ACIN1: variants seen among roughly 807,000 people sequenced by gnomAD.
ACIN1 encodes the protein apoptotic chromatin condensation inducer 1, also known as apoptotic chromatin condensation inducer in the nucleus.
ACIN1 carries 16 observed loss-of-function variants against 146.6 expected under a neutral mutation model. The ratio of observed to expected loss-of-function variants is 0.11; its 90% CI spans 0.07 to 0.17. The LOEUF is 0.17. Ranked by LOEUF, ACIN1 falls within the 10% of genes least tolerant of loss-of-function variation. The pLI is 1.00. For missense variants in ACIN1, 1,357 were observed against 1,609.3 expected, an observed-to-expected ratio of 0.84 and a Z score of 2.68; for synonymous variants, 569 against 582.7, an observed-to-expected ratio of 0.98 and a Z score of 0.34.
Position 23,080,089 on chromosome 14 carries a change from C to A in ACIN1, c.1246G>T (p.Val416Leu). The change falls in exon 6 of 19, where the codon GTA (valine) becomes TTA (leucine). Residue 416 changes from valine (V) to leucine (L), a missense_variant. By Grantham distance (32) the Val-to-Leu change is conservative. Transcript: ENST00000605057. ...CTTGACAAAGGAGACAGGCCTCCTA[C>A]CAACTGGACAGTATGCTGAGATACT... Reference protein sequence around the residue: ...LLVSQHTVQLVGGLSPLSSPS... With the variant: ...LLVSQHTVQLLGGLSPLSSPS... 2 of 1,614,148 alleles carry A rather than the reference C, an allele frequency of 1.2e-6. No individual in the cohort carries two copies. Among genetic ancestry groups the A allele is most frequent in the Non-Finnish European group, 1.7e-6 (2 of 1,180,020 alleles).
rs764958466 is a variant in ACIN1, at chr14:23,078,800, G to A, written c.2007+20C>T. 7.5e-6 allele frequency: 12 copies of A among 1,608,066 alleles called. No individual in the cohort carries two copies. The highest frequency in any genetic ancestry group is 1.0e-5 in the Non-Finnish European group (12 of 1,176,726). On this transcript the variant is annotated intron_variant, in intron 7 of 18. Transcript: ENST00000605057. ...GCTTAATCCTCCATCTCTGTGTAGG[G>A]AGGGGTCACAATAGCCTACCCGCTC...
chr14:23,072,130 A>T (rs576925440), intron 8 of ACIN1, among the ~76,000 whole-genome samples: 2 of 152,250 alleles, frequency 1.3e-5, no homozygotes, highest in African/African-American at 4.8e-5. Flanking sequence ...TCACCCCGGC[A>T]ATGACCACGT....
rs3841035 is a variant in ACIN1 at position 23,080,669 on chromosome 14, TTCCTCC to T, written c.660_665del (p.Glu222_Glu223del). 160 of 1,613,540 alleles carry T rather than the reference TTCCTCC, an allele frequency of 9.9e-5. 1 individual carries two copies. The highest frequency in any genetic ancestry group is 4.9e-4 in the East Asian group (22 of 44,850). Reference sequence around the variant, plus strand: ...CACCTTCCTCTTCTTCATCATCTTCTTCCTCCTCCTCCTCCTCCTCTTCTTCCTCCT... The same window carrying T: ...CACCTTCCTCTTCTTCATCATCTTCTTCCTCCTCCTCCTCTTCTTCCTCCT... On this transcript the variant is annotated inframe_deletion, in exon 6 of 19. Coordinates refer to ENST00000605057, the MANE Select transcript of ACIN1 (RefSeq NM_001386863.1).
intron 2 of ACIN1, among the ~76,000 whole-genome samples, chr14:23,090,927 CAG>C (rs1429663142): frequency 9.2e-5 from 14 of 152,170 alleles, no homozygotes; most frequent in Admixed American, 5.9e-4. Context: ...TTTTTTGAGA[CAG>C]AGTTTCACTC....
intron 4 of ACIN1, among the ~76,000 whole-genome samples, chr14:23,084,273 T>G (rs1476391832): frequency 2.0e-5 from 3 of 152,078 alleles, no homozygotes; most frequent in Non-Finnish European, 4.4e-5. Context: ...CCTTACAATC[T>G]AAAATGAACT....
At chr14:23,076,660 C>T (rs550984007) in intron 8 of ACIN1, 3 of 152,332 alleles carry the variant, frequency 2.0e-5, no homozygotes, top group South Asian at 2.1e-4. Flanking sequence ...CAAGGTGCAT[C>T]GGAAGCAGTT....
At position 23,062,983 on chromosome 14, in the gene ACIN1, C is replaced by T; in HGVS notation, c.2829G>A (p.Gln943=). The T allele has an allele frequency of 6.2e-7, 1 of 1,613,472 alleles. No individual in the cohort carries two copies. The highest frequency in any genetic ancestry group is 1.1e-5 in the South Asian group (1 of 90,912). Residue 943 remains glutamine (Q), a synonymous_variant, in exon 14 of 19, where the codon CAG becomes CAA. Coordinates refer to ENST00000605057, the MANE Select transcript of ACIN1 (RefSeq NM_001386863.1). ...TCTTGCCCCGGGGTGGGGAGGGCACCTGGGCAGTTCGGACTGGGTCATCAA... is the reference window on the plus strand; with the variant it reads ...TCTTGCCCCGGGGTGGGGAGGGCACTTGGGCAGTTCGGACTGGGTCATCAA... ...ITIDDPVRTA[Q]VPSPPRGKIS...
chr14:23,083,569 A>G (rs1260343686), intron 4 of ACIN1, among the ~76,000 whole-genome samples: 2 of 151,406 alleles, frequency 1.3e-5, no homozygotes, highest in East Asian at 3.9e-4. Context: ...TGTCTCTACT[A>G]AAAATACAAA....
intron 18 of ACIN1, among the ~76,000 whole-genome samples, chr14:23,060,835 G>C (rs932673480): frequency 6.6e-6 from 1 of 152,160 alleles, no homozygotes; most frequent in Non-Finnish European, 1.5e-5. Flanking sequence ...AAGAAGCCTG[G>C]TCGGCACAGC....
In ACIN1 at chr14:23,068,502, T is replaced by A. The variant is rs556536488; in HGVS notation, c.2265+974A>T. 2 of 985,916 alleles carry A rather than the reference T, an allele frequency of 2.0e-6. No individual in the cohort carries two copies. The highest frequency in any genetic ancestry group is 2.3e-4 in the East Asian group (2 of 8,812). The allele number at this position is 985,916 out of a possible 1,614,324, so 61.1% of individuals were successfully genotyped here. On this transcript the variant is annotated intron_variant, in intron 9 of 18. Coordinates refer to ENST00000605057, the MANE Select transcript of ACIN1 (RefSeq NM_001386863.1). The surrounding 1 kb of genome is among the most constrained non-coding windows in gnomAD (Gnocchi z 4.3). ...AGACAGGGAGGCAAAAGGGGGCCCA[T>A]CACAGGAGCCCATATACATGCCCCC... is the stretch of plus-strand genomic sequence containing the variant.
intron 4 of ACIN1, among the ~76,000 whole-genome samples, chr14:23,089,432 C>G (rs952620397): frequency 7.9e-5 from 12 of 152,106 alleles, no homozygotes; most frequent in African/African-American, 2.7e-4. Flanking sequence ...GGTTAGAGCT[C>G]CCTACTATAA....
intron 10 of ACIN1, among the ~76,000 whole-genome samples, chr14:23,065,004 CG>C (rs2047407651): frequency 6.6e-6 from 1 of 152,078 alleles, no homozygotes; most frequent in Admixed American, 6.5e-5. Context: ...TTTGATGAGC[CG>C]TTTAAACTTT....
intron 4 of ACIN1, among the ~76,000 whole-genome samples, chr14:23,086,599 C>G (rs535195989): frequency 6.6e-6 from 1 of 152,222 alleles, no homozygotes; most frequent in African/African-American, 2.4e-5. Flanking sequence ...AATCTTCCCA[C>G]CTCAGCCTCC....
chr14:23,079,526 C>A, intron 6 of ACIN1, 21 bp downstream of exon 6: 1 of 1,609,220 alleles, frequency 6.2e-7, no homozygotes, highest in Non-Finnish European at 8.5e-7. Flanking sequence ...ATTAATACAC[C>A]CGGGATTCTC....
Position 23,093,964 on chromosome 14 carries a change from G to C in ACIN1, c.139-420C>G, listed in dbSNP as rs561901111. 5.9e-5 allele frequency among the ~76,000 whole-genome samples: 9 copies of C among 152,216 alleles called. No homozygotes were observed. In the South Asian group the frequency reaches 1.5e-3, roughly 25 times the overall value. ...GCCTGACGGAATTACTTGGTCAAAG[G>C]GTTACCCAGTACCAGGGTCAATTTG... is the stretch of plus-strand genomic sequence containing the variant. On this transcript the variant is annotated intron_variant, in intron 1 of 18. Transcript: ENST00000605057.
At position 23,059,101 on chromosome 14, in the gene ACIN1, C is replaced by A. The variant is rs755377952; in HGVS notation, c.*47G>T. 2.5e-6 allele frequency: 4 copies of A among 1,585,516 alleles called. No individual in the cohort carries two copies. In the African/African-American group the frequency reaches 5.4e-5, roughly 21 times the overall value. On this transcript the variant is annotated 3_prime_UTR_variant, in exon 19 of 19. Transcript: ENST00000605057. ...GTGCCTATCCCTCTGTGGCCATAAC[C>A]CCCTGGGGCCGAGTGGCTGGTACCT...
At chr14:23,094,650 A>G in intron 1 of ACIN1, 1 of 801,494 alleles carries the variant, frequency 1.2e-6, no homozygotes, top group South Asian at 2.7e-5. Flanking sequence ...TTGTAGTGGG[A>G]TTTAACTCCT....
At chr14:23,082,699 C>T (rs1419677478) in intron 4 of ACIN1, among the ~76,000 whole-genome samples, 1 of 152,002 alleles carries the variant, frequency 6.6e-6, no homozygotes, top group Non-Finnish European at 1.5e-5. Context: ...CCCGCCTTGG[C>T]CTCCCAAAGT....
At chr14:23,065,057 GAGA>G (rs899695994) in intron 10 of ACIN1, among the ~76,000 whole-genome samples, 2 of 152,168 alleles carry the variant, frequency 1.3e-5, no homozygotes, top group African/African-American at 4.8e-5. Flanking sequence ...AAGAAAAACT[GAGA>G]AGGACATGTA....
Sources: gnomAD v4.1 joint callset for allele counts (sites outside exome capture counted in the v4.1 genomes callset) on GRCh38, gnomAD v4.1.1 for gene constraint, Gnocchi (gnomAD v3.1) non-coding constraint, MANE v1.5 for transcripts, NCBI Gene and HGNC (gene_info 2026-07-23, HGNC 2026-07-21) for gene names.